Variants in OSTN observed in about 807,000 individuals in gnomAD.
The protein encoded by OSTN is osteocrin.
In OSTN, 9 loss-of-function variants were observed where a neutral mutation model predicts 12.0. The ratio of observed to expected loss-of-function variants is 0.75; its 90% confidence interval spans 0.45 to 1.30. The LOEUF (loss-of-function observed/expected upper bound fraction) is 1.30. Ranked by LOEUF, OSTN falls within the 50% of genes most tolerant of loss-of-function variation. OSTN has a pLI of 0.00. For synonymous variants in OSTN, 59 were observed against 56.9 expected, an observed-to-expected ratio of 1.04 and a Z score of -0.16; for missense variants, 148 against 152.3, an observed-to-expected ratio of 0.97 and a Z score of 0.15.
intron 4 of OSTN, among the ~76,000 whole-genome samples, chr3:191,255,003 G>T (rs1166555810): frequency 6.6e-6 from 1 of 152,138 alleles, no homozygotes; most frequent in African/African-American, 2.4e-5. Context: ...CTTTAGTTCA[G>T]CTGTCCCCAG....
chr3:191,220,878 G>A lies in OSTN; in HGVS notation c.317+1917G>A, dbSNP rs561219752. On this transcript the variant is annotated intron_variant, in intron 3 of 4. Transcript: ENST00000682035. ...CTATAGTATACTAAATATACACTGCGTAAATACTATATAATTTACATTGAA... is the reference window on the plus strand; with the variant it reads ...CTATAGTATACTAAATATACACTGCATAAATACTATATAATTTACATTGAA... Among the ~76,000 whole-genome samples the A allele has an allele frequency of 6.8e-4, 103 of 152,090 alleles. 1 individual carries two copies. The Middle Eastern group carries it at 0.01, about 15-fold the overall frequency.
intron 3 of OSTN, among the ~76,000 whole-genome samples, chr3:191,233,477 C>G (rs755507411): frequency 5.9e-5 from 9 of 152,008 alleles, no homozygotes; most frequent in African/African-American, 2.2e-4. Context: ...TGCTCTGTCA[C>G]CCAAGCTGGA....
rs575332839 is a variant in OSTN, at chr3:191,241,167, C to CTTTTT, written c.318-8845_318-8841dup. 4.9e-3 allele frequency among the ~76,000 whole-genome samples: 226 copies of CTTTTT among 46,466 alleles called. 85 individuals are homozygous for CTTTTT. Among genetic ancestry groups the CTTTTT allele is most frequent in the Middle Eastern group, 0.02 (1 of 50 alleles). The allele number at this position is 46,466 out of a possible 152,430, so 30.5% of individuals were successfully genotyped here. A position where few individuals can be genotyped will look rare whatever the true frequency, so the allele number is the denominator to read the frequency against. On this transcript the variant is annotated intron_variant, in intron 3 of 4. Coordinates refer to ENST00000682035, the MANE Select transcript of OSTN (RefSeq NM_198184.2). ...AAGTTGGTGGAGCTCTGTGCCTTGACTTTTTTTTTTTTTTTTTTTTTTTTT... is the reference window on the plus strand; with the variant it reads ...AAGTTGGTGGAGCTCTGTGCCTTGACTTTTTTTTTTTTTTTTTTTTTTTTTTTTTT...
intron 3 of OSTN, among the ~76,000 whole-genome samples, chr3:191,238,499 ATAAAG>A (rs1445905101): frequency 1.3e-5 from 2 of 152,208 alleles, no homozygotes; most frequent in African/African-American, 2.4e-5. Flanking sequence ...TTTACATAAG[ATAAAG>A]TAAACATGTG....
chr3:191,202,329 T>C (rs6444520), intron 1 of OSTN, among the ~76,000 whole-genome samples: 60,316 of 151,646 alleles, frequency 0.4, 12,597 homozygotes, highest in African/African-American at 0.54. Flanking sequence ...AGAAAGGATC[T>C]GCTCTTGCAG....
intron 1 of OSTN, among the ~76,000 whole-genome samples, chr3:191,206,019 T>A (rs1714265670): frequency 6.6e-6 from 1 of 152,082 alleles, no homozygotes; most frequent in African/African-American, 2.4e-5. Context: ...ACCCTGTCTC[T>A]AGTAAAAATA....
intron 4 of OSTN, among the ~76,000 whole-genome samples, chr3:191,257,872 A>G (rs1715705839): frequency 6.6e-6 from 1 of 152,244 alleles, no homozygotes; most frequent in Non-Finnish European, 1.5e-5. Flanking sequence ...CCATGTGTAG[A>G]CAATATTAAA....
Position 191,242,977 on chromosome 3 carries a change from A to G in OSTN, c.318-7060A>G, listed in dbSNP as rs564815342. Among the ~76,000 whole-genome samples, 5 of 152,220 alleles carry G rather than the reference A, an allele frequency of 3.3e-5. No individual in the cohort carries two copies. The East Asian group carries it at 9.6e-4, about 29-fold the overall frequency. On this transcript the variant is annotated intron_variant, in intron 3 of 4. Coordinates refer to ENST00000682035, the MANE Select transcript of OSTN (RefSeq NM_198184.2). ...GATAAATGTTTAAAAGAAAAAAAAA[A>G]CATTAGAAAAACAGGCAGCAGATTC...
At chr3:191,254,858 T>A (rs1715635861) in intron 4 of OSTN, among the ~76,000 whole-genome samples, 1 of 152,206 alleles carries the variant, frequency 6.6e-6, no homozygotes, top group Non-Finnish European at 1.5e-5. Flanking sequence ...GATTAGACTT[T>A]CAAAAGCTTC....
intron 4 of OSTN, among the ~76,000 whole-genome samples, chr3:191,258,543 C>CG (rs1715727833): frequency 1.3e-5 from 2 of 151,420 alleles, no homozygotes; most frequent in African/African-American, 4.9e-5. Flanking sequence ...CAAATGCACG[C>CG]GGGGTTTAAA....
At chr3:191,241,205 G>GCCT (rs1257846348) in intron 3 of OSTN, among the ~76,000 whole-genome samples, 2 of 67,426 alleles carry the variant, frequency 3.0e-5, no homozygotes, top group Non-Finnish European at 6.0e-5. Context: ...TTGAGACGGA[G>GCCT]CCTTGCTCTG....
intron 3 of OSTN, among the ~76,000 whole-genome samples, chr3:191,219,966 T>A (rs919830048): frequency 6.6e-6 from 1 of 152,192 alleles, no homozygotes; most frequent in Admixed American, 6.6e-5. Flanking sequence ...TGTACTCGGC[T>A]AGCAGGCTAA....
intron 1 of OSTN, among the ~76,000 whole-genome samples, chr3:191,204,447 G>C (rs897389928): frequency 1.3e-5 from 2 of 152,138 alleles, no homozygotes; most frequent in Non-Finnish European, 2.9e-5. Flanking sequence ...TTGCTCTTGG[G>C]TGAAAATCCT....
chr3:191,258,588 C>T (rs1461823373), intron 4 of OSTN, among the ~76,000 whole-genome samples: 1 of 151,526 alleles, frequency 6.6e-6, no homozygotes, highest in African/African-American at 2.4e-5. Flanking sequence ...CAGCAAATCA[C>T]CAGGGCACAT....
rs571819464 is a variant in OSTN at position 191,263,712 on chromosome 3, A to G, written c.*859A>G. 5 of 152,262 alleles carry G rather than the reference A, an allele frequency of 3.3e-5. No homozygotes were observed. In the South Asian group the frequency reaches 1.0e-3, roughly 32 times the overall value. The allele number at this position is 152,262 out of a possible 1,614,324, so 9.4% of individuals were successfully genotyped here. On this transcript the variant is annotated 3_prime_UTR_variant, in exon 5 of 5. Transcript: ENST00000682035. ...CTTGGATTAATCTAAGAAACTGTTT[A>G]CTGTGTTTCACATATTGGCTTCTTT...
At chr3:191,259,867 T>G (rs1358580240) in intron 4 of OSTN, among the ~76,000 whole-genome samples, 2 of 149,900 alleles carry the variant, frequency 1.3e-5, no homozygotes, top group Non-Finnish European at 3.0e-5. Flanking sequence ...TTTTTTTTTT[T>G]TTTCTTGAGA....
Position 191,263,120 on chromosome 3 carries a change from T to A in OSTN, c.*267T>A, listed in dbSNP as rs1715848653. The A allele has an allele frequency of 4.6e-6, 2 of 433,828 alleles. No individual in the cohort carries two copies. The highest frequency in any genetic ancestry group is 8.2e-6 in the Non-Finnish European group (2 of 244,228). 26.9% of individuals were successfully genotyped at this position (433,828 alleles called of 1,614,324 possible). On this transcript the variant is annotated 3_prime_UTR_variant, in exon 5 of 5. Coordinates refer to ENST00000682035, the MANE Select transcript of OSTN (RefSeq NM_198184.2). ...TTAACTTCCCCTTAAACCTTACTTTTAAAAATAATAATTAAATACACAATA... is the reference window on the plus strand; with the variant it reads ...TTAACTTCCCCTTAAACCTTACTTTAAAAAATAATAATTAAATACACAATA...
chr3:191,248,763 T>C (rs1293962463), intron 3 of OSTN, among the ~76,000 whole-genome samples: 1 of 152,170 alleles, frequency 6.6e-6, no homozygotes, highest in African/African-American at 2.4e-5. Flanking sequence ...CTGGGCAAGA[T>C]GGCGAGACTC....
chr3:191,200,498 T>A (rs1378043631), intron 1 of OSTN, among the ~76,000 whole-genome samples: 3 of 152,174 alleles, frequency 2.0e-5, no homozygotes, highest in African/African-American at 7.2e-5. Context: ...ATTAATAAAA[T>A]TAGATTAATT....
Sources: gnomAD v4.1 joint callset for allele counts (sites outside exome capture counted in the v4.1 genomes callset) on GRCh38, gnomAD v4.1.1 for gene constraint, MANE v1.5 for transcripts, NCBI Gene and HGNC (gene_info 2026-07-23, HGNC 2026-07-21) for gene names.